The following MACF1 variants were observed in gnomAD, a reference collection of about 807,000 sequenced individuals.
MACF1 encodes microtubule actin crosslinking factor 1, also known as microtubule-actin cross-linking factor 1.
A neutral mutation model predicts 854.8 loss-of-function variants in MACF1; 193 were observed. That is an observed-to-expected ratio of 0.23 (90% CI 0.20 to 0.25). The LOEUF (loss-of-function observed/expected upper bound fraction) is 0.25, where lower values mean the gene tolerates loss of function less well. Ranked by LOEUF, MACF1 falls within the 10% of genes least tolerant of loss-of-function variation. The pLI, the probability that MACF1 is intolerant of heterozygous loss-of-function variation, is 1.00. For missense variants in MACF1, 7,722 were observed against 8,929.1 expected (o/e 0.86, Z 5.45); for synonymous variants, 3,185 against 3,226.7 (o/e 0.99, Z 0.44).
At chr1:39,346,676 C>G (rs534152367) in intron 40 of MACF1, among the ~76,000 whole-genome samples, 1 of 151,872 alleles carries the variant, frequency 6.6e-6, no homozygotes, top group Non-Finnish European at 1.5e-5. Flanking sequence ...CCTGCCACTA[C>G]GCCTGGCTAA....
chr1:39,102,993 C>T (rs1243198968), intron 2 of MACF1: 4 of 700,574 alleles, frequency 5.7e-6, no homozygotes, highest in Non-Finnish European at 7.8e-6. Flanking sequence ...ATGTGGACTT[C>T]CCCACTTTCC....
Sources: gnomAD v4.1 joint callset for allele counts (sites outside exome capture counted in the v4.1 genomes callset) on GRCh38, gnomAD v4.1.1 for gene constraint, MANE v1.5 for transcripts, NCBI Gene and HGNC (gene_info 2026-07-23, HGNC 2026-07-21) for gene names.